Variants in CYP4X1 observed in about 807,000 individuals in gnomAD.
CYP4X1 encodes cytochrome P450 4X1.
Under a neutral mutation model 57.9 loss-of-function variants are expected in CYP4X1, and 44 were observed. That is an observed-to-expected ratio of 0.76 (90% CI 0.60 to 0.98). The LOEUF (loss-of-function observed/expected upper bound fraction) is 0.98. Ranked by LOEUF, CYP4X1 falls within the 50% of genes least tolerant of loss-of-function variation. The pLI is 0.00. For synonymous variants in CYP4X1, 227 were observed against 228.6 expected, an observed-to-expected ratio of 0.99 and a Z score of 0.06; for missense variants, 532 against 623.9, an observed-to-expected ratio of 0.85 and a Z score of 1.57.
the CYP4X1 span, among the ~76,000 whole-genome samples, chr1:46,966,124 A>G: frequency 6.6e-6 from 1 of 152,202 alleles, no homozygotes; most frequent in Non-Finnish European, 1.5e-5. Context: ...TAAAAACTCA[A>G]CACTTTTCAG....
chr1:47,028,523 A>G (rs1287064355), intron 1 of CYP4X1, among the ~76,000 whole-genome samples: 1 of 152,214 alleles, frequency 6.6e-6, no homozygotes, highest in Non-Finnish European at 1.5e-5. Flanking sequence ...ATTTCTGAAC[A>G]ATGTTTACTA....
At chr1:47,035,257 C>A (rs935303889) in intron 4 of CYP4X1, among the ~76,000 whole-genome samples, 7 of 152,086 alleles carry the variant, frequency 4.6e-5, no homozygotes, top group Non-Finnish European at 7.4e-5. Flanking sequence ...AAGTAGGTCT[C>A]TTTGTGGGGA....
At chr1:46,984,343 G>A in the CYP4X1 span, among the ~76,000 whole-genome samples, 5 of 128,914 alleles carry the variant, frequency 3.9e-5, no homozygotes, top group African/African-American at 1.2e-4. Context: ...TCCCACTGAA[G>A]AACTAGTGTT....
chr1:46,997,776 TATA>T, the CYP4X1 span, among the ~76,000 whole-genome samples: 2 of 152,354 alleles, frequency 1.3e-5, no homozygotes, highest in East Asian at 3.8e-4. Context: ...GAGAAATTTC[TATA>T]ATGTTTCCCA....
chr1:47,040,474 T>C (rs1465784434), intron 8 of CYP4X1, among the ~76,000 whole-genome samples: 1 of 152,196 alleles, frequency 6.6e-6, no homozygotes, highest in Non-Finnish European at 1.5e-5. Context: ...ATATTTCATA[T>C]GCAAAAGTCA....
At chr1:46,966,733 C>A in the CYP4X1 span, among the ~76,000 whole-genome samples, 1 of 152,162 alleles carries the variant, frequency 6.6e-6, no homozygotes, top group Non-Finnish European at 1.5e-5. Flanking sequence ...GACAAAATCC[C>A]ATTCACAATT....
chr1:46,972,835 G>T, the CYP4X1 span, among the ~76,000 whole-genome samples: 1 of 152,124 alleles, frequency 6.6e-6, no homozygotes, highest in Non-Finnish European at 1.5e-5. Context: ...CCTTTGGACA[G>T]AGAGTATGGA....
At chr1:46,985,026 G>T in the CYP4X1 span, among the ~76,000 whole-genome samples, 3 of 152,292 alleles carry the variant, frequency 2.0e-5, no homozygotes, top group East Asian at 3.9e-4. Context: ...GTGGGGAGAG[G>T]CGTATCTGCC....
At chr1:47,022,283 CTTTTTTTTTTT>C (rs11352280), upstream of CYP4X1, among the ~76,000 whole-genome samples, 2 of 77,312 alleles carry the variant, frequency 2.6e-5, no homozygotes, top group African/African-American at 1.0e-4. Context: ...TGGGGCCTGT[CTTTTTTTTTTT>C]TTTTTTTTTT....
intron 7 of CYP4X1, among the ~76,000 whole-genome samples, 182 bp downstream of exon 7, chr1:47,038,948 A>G (rs963402663): frequency 6.6e-6 from 1 of 152,216 alleles, no homozygotes; most frequent in Non-Finnish European, 1.5e-5. Context: ...CTGTGTCGCT[A>G]GAGGAGGGTT....
the CYP4X1 span, among the ~76,000 whole-genome samples, chr1:47,013,092 C>G: frequency 6.6e-6 from 1 of 151,834 alleles, no homozygotes; most frequent in Non-Finnish European, 1.5e-5. Flanking sequence ...CTGGTTCATT[C>G]CGAGTTTGTT....
At chr1:47,053,803 A>C (rs377515563), downstream of CYP4X1, among the ~76,000 whole-genome samples, 2 of 152,128 alleles carry the variant, frequency 1.3e-5, no homozygotes, top group Admixed American at 6.6e-5. Flanking sequence ...AGTTCATTGT[A>C]GATTCTGGAT....
At chr1:47,006,234 T>C in the CYP4X1 span, among the ~76,000 whole-genome samples, 2 of 152,180 alleles carry the variant, frequency 1.3e-5, no homozygotes, top group African/African-American at 2.4e-5. Context: ...TATAAGGAAA[T>C]ATGGTTCTAA....
chr1:47,046,857 G>T (rs1260852546), intron 9 of CYP4X1, among the ~76,000 whole-genome samples: 1 of 152,090 alleles, frequency 6.6e-6, no homozygotes, highest in Non-Finnish European at 1.5e-5. Context: ...CCCAGCCCAG[G>T]GTCTCTTCCA....
At chr1:47,026,587 G>T (rs948665681) in intron 1 of CYP4X1, among the ~76,000 whole-genome samples, 3 of 152,062 alleles carry the variant, frequency 2.0e-5, no homozygotes, top group Admixed American at 6.5e-5. Flanking sequence ...ACCAGCTAGG[G>T]TTCTGCTTGG....
chr1:47,028,655 C>T (rs1644095347), intron 1 of CYP4X1, among the ~76,000 whole-genome samples: 1 of 152,106 alleles, frequency 6.6e-6, no homozygotes, highest in Admixed American at 6.5e-5. Context: ...TCAGGAGTTA[C>T]AAAAAGTATA....
the CYP4X1 span, among the ~76,000 whole-genome samples, chr1:46,965,100 A>G: frequency 6.6e-6 from 1 of 152,220 alleles, no homozygotes; most frequent in Admixed American, 6.5e-5. Flanking sequence ...GTGCAGTATT[A>G]GGGTGGGAGT....
the CYP4X1 span, among the ~76,000 whole-genome samples, chr1:46,962,567 C>T: frequency 4.6e-5 from 7 of 152,270 alleles, no homozygotes; most frequent in Admixed American, 6.5e-5. Flanking sequence ...AAAGATTAGA[C>T]GAATGGCTAA....
chr1:46,963,289 T>C, the CYP4X1 span, among the ~76,000 whole-genome samples: 93 of 152,200 alleles, frequency 6.1e-4, no homozygotes, highest in Admixed American at 1.1e-3. Context: ...AATTTGATCC[T>C]GTCATTATGA....
Sources: gnomAD v4.1 joint callset for allele counts (sites outside exome capture counted in the v4.1 genomes callset) on GRCh38, gnomAD v4.1.1 for gene constraint, MANE v1.5 for transcripts, NCBI Gene and HGNC (gene_info 2026-07-23, HGNC 2026-07-21) for gene names.